CAPRIN2: variants seen among roughly 807,000 people sequenced by gnomAD.
CAPRIN2 encodes the protein caprin-2.
Under a neutral mutation model 130.4 loss-of-function variants are expected in CAPRIN2, and 66 were observed. The observed-to-expected ratio is 0.51, with a 90% CI of 0.42 to 0.62. CAPRIN2 has a LOEUF of 0.62. CAPRIN2 is among the 20% of genes least tolerant of loss of function. CAPRIN2 has a pLI of 0.00. For missense variants in CAPRIN2, 1,185 were observed against 1,246.6 expected (o/e 0.95, Z 0.74); for synonymous variants, 471 against 444.1 (o/e 1.06, Z -0.76).
At chr12:30,723,120 A>G (rs2059889898) in intron 11 of CAPRIN2, 139 bp downstream of exon 12, 2 of 634,692 alleles carry the variant, frequency 3.2e-6, no homozygotes, top group Non-Finnish European at 5.5e-6. Flanking sequence ...GTCGTATTTA[A>G]TCTACAAAAC....
chr12:30,725,622 T>C (rs1247945848), intron 9 of CAPRIN2, among the ~76,000 whole-genome samples: 2 of 152,222 alleles, frequency 1.3e-5, no homozygotes, highest in Non-Finnish European at 2.9e-5. Flanking sequence ...TCTGTATCTG[T>C]ACTACAATGG....
intron 8 of CAPRIN2, among the ~76,000 whole-genome samples, chr12:30,726,594 TG>T (rs559417214): frequency 5.1e-4 from 77 of 152,280 alleles, no homozygotes; most frequent in African/African-American, 1.7e-3. Context: ...AGTACACTCT[TG>T]GGGGCTACTG....
chr12:30,739,384 T>G (rs1332684232), intron 3 of CAPRIN2, among the ~76,000 whole-genome samples: 1 of 152,022 alleles, frequency 6.6e-6, no homozygotes, highest in Non-Finnish European at 1.5e-5. Context: ...AGGGGAACAA[T>G]ACACACTGGA....
chr12:30,725,811 G>C (rs1261551328), intron 9 of CAPRIN2, among the ~76,000 whole-genome samples, 155 bp downstream of exon 10: 1 of 152,148 alleles, frequency 6.6e-6, no homozygotes, highest in Non-Finnish European at 1.5e-5. Flanking sequence ...AACTGAGGCA[G>C]AATCAAGTAA....
At chr12:30,753,348 T>C (rs1165321986) in exon 1 of CAPRIN2, 4 of 1,602,786 alleles carry the variant, frequency 2.5e-6, no homozygotes, top group Non-Finnish European at 3.4e-6. Flanking sequence ...AGTTACCTTC[T>C]TTTTCTCGAT....
chr12:30,736,407 A>C (rs2138572325), intron 3 of CAPRIN2, among the ~76,000 whole-genome samples: 1 of 152,096 alleles, frequency 6.6e-6, no homozygotes, highest in East Asian at 1.9e-4. Flanking sequence ...CAAAAAAAAA[A>C]AAACCACTAA....
chr12:30,740,131 C>T (rs1485620449), intron 3 of CAPRIN2, among the ~76,000 whole-genome samples: 1 of 151,980 alleles, frequency 6.6e-6, no homozygotes, highest in Non-Finnish European at 1.5e-5. Context: ...TAGGCCAGGG[C>T]GACTGCTCAC....
chr12:30,721,362 G>A (rs1592013693), intron 11 of CAPRIN2, among the ~76,000 whole-genome samples: 1 of 152,310 alleles, frequency 6.6e-6, no homozygotes, highest in East Asian at 1.9e-4. Flanking sequence ...TAGTATAACT[G>A]TGCTTTCATG....
chr12:30,738,344 G>A (rs11835180), intron 3 of CAPRIN2, among the ~76,000 whole-genome samples: 43,391 of 151,334 alleles, frequency 0.29, 6,409 homozygotes, highest in Non-Finnish European at 0.33. Flanking sequence ...CTATATTCAC[G>A]ATATAGAGAA....
At chr12:30,716,317 T>A (rs956024390) in intron 13 of CAPRIN2, 191 bp downstream of exon 15, 1 of 514,544 alleles carries the variant, frequency 1.9e-6, no homozygotes, top group Admixed American at 4.0e-5. Flanking sequence ...CTACAAAAAT[T>A]AAAATTAATA....
exon 1 of CAPRIN2, chr12:30,754,401 C>T (rs747428591): frequency 6.5e-6 from 1 of 152,740 alleles, no homozygotes; most frequent in Non-Finnish European, 1.5e-5. Flanking sequence ...CATCCCCAAA[C>T]CAAGGACAGA....
intron 2 of CAPRIN2, among the ~76,000 whole-genome samples, chr12:30,742,949 T>C (rs749176710): frequency 6.6e-6 from 1 of 152,086 alleles, no homozygotes; most frequent in Non-Finnish European, 1.5e-5. Flanking sequence ...GGATACACAG[T>C]CCTCAGAGGG....
At chr12:30,736,298 C>T (rs7963438) in intron 3 of CAPRIN2, among the ~76,000 whole-genome samples, 33,983 of 151,762 alleles carry the variant, frequency 0.22, 4,039 homozygotes, top group Middle Eastern at 0.32. Context: ...ACTACTATCT[C>T]TTTCCATTAA....
intron 2 of CAPRIN2, among the ~76,000 whole-genome samples, chr12:30,742,273 A>C (rs572491789): frequency 1.3e-5 from 2 of 152,286 alleles, no homozygotes; most frequent in South Asian, 4.1e-4. Context: ...ACTGATATTA[A>C]GTCTTTATAA....
chr12:30,729,182 T>C, exon 8 of CAPRIN2: 1 of 1,614,070 alleles, frequency 6.2e-7, no homozygotes, highest in South Asian at 1.1e-5. Flanking sequence ...AGGACTCCTG[T>C]TTCTTCTCTT....
At chr12:30,723,206 C>A in intron 11 of CAPRIN2, 53 bp downstream of exon 12, 1 of 1,237,720 alleles carries the variant, frequency 8.1e-7, no homozygotes, top group Non-Finnish European at 1.2e-6. Context: ...CTTTCCAAAG[C>A]AAGAGCTTCT....
At chr12:30,745,898 C>T (rs1397891985) in intron 2 of CAPRIN2, among the ~76,000 whole-genome samples, 1 of 152,004 alleles carries the variant, frequency 6.6e-6, no homozygotes, top group Non-Finnish European at 1.5e-5. Context: ...CTACTTGGCC[C>T]TAATCTATGC....
intron 2 of CAPRIN2, among the ~76,000 whole-genome samples, chr12:30,750,868 T>C (rs1340942991): frequency 6.6e-6 from 1 of 152,190 alleles, no homozygotes; most frequent in African/African-American, 2.4e-5. Context: ...CCCCCATGCG[T>C]ACCATCTTCT....
At chr12:30,720,947 A>T in intron 11 of CAPRIN2, 32 bp from the exon 13 acceptor site, 1 of 1,462,120 alleles carries the variant, frequency 6.8e-7, no homozygotes, top group East Asian at 2.3e-5. Context: ...ATATTGTAAA[A>T]GGCACATTTT....
Sources: gnomAD v4.1 joint callset for allele counts (sites outside exome capture counted in the v4.1 genomes callset) on GRCh38, gnomAD v4.1.1 for gene constraint, MANE v1.5 for transcripts, NCBI Gene and HGNC (gene_info 2026-07-23, HGNC 2026-07-21) for gene names.